Variants in SLC33A1 observed in about 807,000 individuals in gnomAD.
SLC33A1 encodes the protein solute carrier family 33 member 1.
SLC33A1 carries 20 observed loss-of-function variants against 50.0 expected under a neutral mutation model. The ratio of observed to expected loss-of-function variants is 0.40; its 90% confidence interval spans 0.28 to 0.58. The LOEUF is 0.58. SLC33A1 is among the 20% of genes least tolerant of loss of function. The probability of loss-of-function intolerance (pLI) is 0.44; values close to 1 mark genes in which losing one functional copy is unlikely to be tolerated. For missense variants in SLC33A1, 476 were observed against 657.0 expected (o/e 0.72, Z 3.01); for synonymous variants, 265 against 251.8 (o/e 1.05, Z -0.50).
chr3:155,846,220 ACTCC>A (rs1010379299), intron 1 of SLC33A1, among the ~76,000 whole-genome samples: 4 of 152,340 alleles, frequency 2.6e-5, no homozygotes, highest in Non-Finnish European at 5.9e-5. Flanking sequence ...AGGCATTATT[ACTCC>A]TACTTTATAT....
chr3:155,830,793 C>T (rs1295999934), intron 4 of SLC33A1, among the ~76,000 whole-genome samples: 2 of 151,930 alleles, frequency 1.3e-5, no homozygotes, highest in Non-Finnish European at 2.9e-5. Context: ...ATATATTTTT[C>T]TCCTACATAT....
At position 155,824,114 on chromosome 3, in the gene SLC33A1, G is replaced by A. The variant is rs1752150680; in HGVS notation, c.*4096C>T. The A allele has an allele frequency of 6.6e-6, 1 of 152,188 alleles. No individual in the cohort carries two copies. Among genetic ancestry groups the A allele is most frequent in the Non-Finnish European group, 1.5e-5 (1 of 68,038 alleles). 9.4% of individuals were successfully genotyped at this position (152,188 alleles called of 1,614,324 possible). Reference sequence around the variant, plus strand: ...AAAGTCTCAGCAGTTACAATGTACAGTATCACCTTCCCTTCTGTAACCAAA... The same window carrying A: ...AAAGTCTCAGCAGTTACAATGTACAATATCACCTTCCCTTCTGTAACCAAA... On this transcript the variant is annotated 3_prime_UTR_variant, in exon 6 of 6. Transcript: ENST00000643144.
chr3:155,831,870 T>A (rs1752449741), intron 4 of SLC33A1, among the ~76,000 whole-genome samples: 1 of 152,244 alleles, frequency 6.6e-6, no homozygotes, highest in South Asian at 2.1e-4. Context: ...TGATTTACTG[T>A]ATGCACAAAA....
intron 1 of SLC33A1, among the ~76,000 whole-genome samples, chr3:155,843,258 C>T (rs1753002242): frequency 6.6e-6 from 1 of 152,112 alleles, no homozygotes; most frequent in Admixed American, 6.6e-5. Flanking sequence ...TTCATATCCC[C>T]TAAGATCCAT....
In SLC33A1 at chr3:155,853,835, C is replaced by T. The variant is rs1440060089; in HGVS notation, c.163G>A (p.Asp55Asn). 2 of 1,605,438 alleles carry T rather than the reference C, an allele frequency of 1.2e-6. No individual in the cohort carries two copies. Among genetic ancestry groups the T allele is most frequent in the South Asian group, 1.1e-5 (1 of 90,312 alleles). Residue 55 changes from aspartate to asparagine, a missense_variant, in exon 1 of 6, where the codon GAT becomes AAT. Coordinates refer to ENST00000643144, the MANE Select transcript of SLC33A1 (RefSeq NM_004733.4). ...TTTAAGAAGTCGCCAGTGCCGGTAT[C>T]CCCCAGAAGAGCTTCTCTGTCCCCT... ...REGDREALLG[D>N]TGTGDFLKAP...
intron 2 of SLC33A1, among the ~76,000 whole-genome samples, chr3:155,838,605 C>A (rs936409806): frequency 6.7e-6 from 1 of 149,178 alleles, no homozygotes; most frequent in Non-Finnish European, 1.5e-5. Context: ...TGCTTGAACC[C>A]GGGAGGAGGA....
intron 1 of SLC33A1, among the ~76,000 whole-genome samples, chr3:155,849,193 G>A (rs1043014682): frequency 6.6e-5 from 10 of 152,080 alleles, no homozygotes; most frequent in African/African-American, 2.4e-4. Flanking sequence ...AGGATTACAG[G>A]TGTGAGCCGC....
In SLC33A1 at chr3:155,825,954, GA is replaced by G. The variant is rs1435185145; in HGVS notation, c.*2255del. On this transcript the variant is annotated 3_prime_UTR_variant, in exon 6 of 6. Coordinates refer to ENST00000643144, the MANE Select transcript of SLC33A1 (RefSeq NM_004733.4). ...CACATAGCTATTAACAAGTTATTTTGACATGCATTACATACATGTATTCAAA... is the reference window on the plus strand; with the variant it reads ...CACATAGCTATTAACAAGTTATTTTGCATGCATTACATACATGTATTCAAA... 2 of 152,158 alleles carry G rather than the reference GA, an allele frequency of 1.3e-5. No individual in the cohort carries two copies. Among genetic ancestry groups the G allele is most frequent in the African/African-American group, 4.8e-5 (2 of 41,436 alleles). 9.4% of individuals were successfully genotyped at this position (152,158 alleles called of 1,614,324 possible).
At chr3:155,847,019 C>G (rs1372255708) in intron 1 of SLC33A1, among the ~76,000 whole-genome samples, 1 of 151,524 alleles carries the variant, frequency 6.6e-6, no homozygotes, top group African/African-American at 2.4e-5. Flanking sequence ...ACCAGCCTTG[C>G]CAACATGGTG....
chr3:155,827,621 A>G lies in SLC33A1; in HGVS notation c.*589T>C, dbSNP rs1352203266. ...TACAAAAGCAGGAAATACATTTAAAATAGTCTTTTTAACACAGATTCATTT... is the reference window on the plus strand; with the variant it reads ...TACAAAAGCAGGAAATACATTTAAAGTAGTCTTTTTAACACAGATTCATTT... On this transcript the variant is annotated 3_prime_UTR_variant, in exon 6 of 6. Coordinates refer to ENST00000643144, the MANE Select transcript of SLC33A1 (RefSeq NM_004733.4). 2 of 152,242 alleles carry G rather than the reference A, an allele frequency of 1.3e-5. No homozygotes were observed. The highest frequency in any genetic ancestry group is 4.8e-5 in the African/African-American group (2 of 41,470). 9.4% of individuals were successfully genotyped at this position (152,242 alleles called of 1,614,324 possible).
intron 2 of SLC33A1, among the ~76,000 whole-genome samples, chr3:155,834,700 T>G (rs1752581352): frequency 6.6e-6 from 1 of 152,204 alleles, no homozygotes; most frequent in African/African-American, 2.4e-5. Flanking sequence ...TACAATAGAT[T>G]AGCAAAGCAA....
intron 2 of SLC33A1, among the ~76,000 whole-genome samples, chr3:155,840,424 T>C (rs1752884834): frequency 6.6e-6 from 1 of 151,972 alleles, no homozygotes; most frequent in Middle Eastern, 3.2e-3. Flanking sequence ...TATTAAATCA[T>C]ATAATTAGAT....
chr3:155,847,336 A>G (rs1221046617), intron 1 of SLC33A1, among the ~76,000 whole-genome samples: 2 of 152,232 alleles, frequency 1.3e-5, no homozygotes, highest in African/African-American at 4.8e-5. Flanking sequence ...AAATGGGTCA[A>G]TTAGTCTTTT....
At chr3:155,829,357 A>G (rs1752315418) in intron 5 of SLC33A1, among the ~76,000 whole-genome samples, 1 of 152,222 alleles carries the variant, frequency 6.6e-6, no homozygotes, top group South Asian at 2.1e-4. Context: ...GGAATAGCCA[A>G]TGGACATTCC....
At position 155,836,659 on chromosome 3, in the gene SLC33A1, G is replaced by C. The variant is rs112438917; in HGVS notation, c.964-2618C>G. Among the ~76,000 whole-genome samples, 874 of 152,314 alleles carry C rather than the reference G, an allele frequency of 5.7e-3. 7 individuals are homozygous for C. Among genetic ancestry groups the C allele is most frequent in the African/African-American group, 0.02 (836 of 41,548 alleles). The stretch of plus-strand genomic sequence containing the variant: ...TGCCTGTAAGCACAGCACTTTGGGA[G>C]GATGAGGCGGGAGGATTGCTTCAGC... On this transcript the variant is annotated intron_variant, in intron 2 of 5. Coordinates refer to ENST00000643144, the MANE Select transcript of SLC33A1 (RefSeq NM_004733.4).
chr3:155,846,503 G>A (rs1162887013), intron 1 of SLC33A1, among the ~76,000 whole-genome samples: 2 of 150,378 alleles, frequency 1.3e-5, no homozygotes, highest in Non-Finnish European at 2.9e-5. Flanking sequence ...GCCCAGGCTG[G>A]AGTGCAATGG....
In SLC33A1 at chr3:155,834,058, A is replaced by G; in HGVS notation, c.964-17T>C. 1 of 1,606,252 alleles carries G rather than the reference A, an allele frequency of 6.2e-7. No individual in the cohort carries two copies. Among genetic ancestry groups the G allele is most frequent in the Non-Finnish European group, 8.5e-7 (1 of 1,173,338 alleles). On this transcript the variant is annotated splice_polypyrimidine_tract_variant and intron_variant, in intron 2 of 5. Coordinates refer to ENST00000643144, the MANE Select transcript of SLC33A1 (RefSeq NM_004733.4). ...AAAACCAATCTGCAATATAAAAACA[A>G]AAAAGTATTTTAATTCGTGACTTAT...
In SLC33A1 at chr3:155,822,506, C is replaced by T. The variant is rs939646430; in HGVS notation, c.*5704G>A. On this transcript the variant is annotated 3_prime_UTR_variant, in exon 6 of 6. Transcript: ENST00000643144. ...GGCTGAGGAAGGAGAATCACTTGAACCCAGCAGGCAGAGGGTGCAGGGAGT... is the reference window on the plus strand; with the variant it reads ...GGCTGAGGAAGGAGAATCACTTGAATCCAGCAGGCAGAGGGTGCAGGGAGT... The T allele has an allele frequency of 6.6e-6, 1 of 151,292 alleles. No homozygotes were observed. Among genetic ancestry groups the T allele is most frequent in the Non-Finnish European group, 1.5e-5 (1 of 67,946 alleles). The allele number at this position is 151,292 out of a possible 1,614,324, so 9.4% of individuals were successfully genotyped here.
chr3:155,853,300 A>G lies in SLC33A1; in HGVS notation c.698T>C (p.Leu233Ser). 3 of 1,613,980 alleles carry G rather than the reference A, an allele frequency of 1.9e-6. No homozygotes were observed. Among genetic ancestry groups the G allele is most frequent in the Non-Finnish European group, 2.5e-6 (3 of 1,179,898 alleles). Residue 233 changes from leucine (L) to serine (S), a missense_variant, in exon 1 of 6, where the codon TTG becomes TCG. Coordinates refer to ENST00000643144, the MANE Select transcript of SLC33A1 (RefSeq NM_004733.4). ...ACAAAAGTCGGCAGATTCAAGGGCC[A>G]AAAACAAAACATTGCCCAAAAAGTA... The part of the protein sequence containing the change: ...AGYFLGNVLF[L>S]ALESADFCNK...
Sources: allele counts gnomAD v4.1 joint callset (sites outside exome capture counted in the v4.1 genomes callset), GRCh38; gene constraint gnomAD v4.1.1; transcripts MANE v1.5; gene names NCBI Gene and HGNC (gene_info 2026-07-23, HGNC 2026-07-21).